FAM120A: variants seen among roughly 807,000 people sequenced by gnomAD.
FAM120A encodes the protein constitutive coactivator of PPAR-gamma-like protein 1.
FAM120A carries 15 observed loss-of-function variants against 109.7 expected under a neutral mutation model. That is an observed-to-expected ratio of 0.14 (90% CI 0.09 to 0.21). The LOEUF (loss-of-function observed/expected upper bound fraction) is 0.21. Ranked by LOEUF, FAM120A falls within the 10% of genes least tolerant of loss-of-function variation. The pLI, the probability that FAM120A is intolerant of heterozygous loss-of-function variation, is 1.00. For synonymous variants in FAM120A, 493 were observed against 572.8 expected (o/e 0.86, Z 1.99); for missense variants, 899 against 1,439.3 (o/e 0.62, Z 6.07).
chr9:93,565,255 G>A lies in FAM120A; in HGVS notation c.*715G>A, dbSNP rs889486823. 9 of 152,734 alleles carry A rather than the reference G, an allele frequency of 5.9e-5. No individual in the cohort carries two copies. The highest frequency in any genetic ancestry group is 1.9e-4 in the African/African-American group (8 of 41,568). The allele number at this position is 152,734 out of a possible 1,614,324, so 9.5% of individuals were successfully genotyped here. ...CAACACAATGTGTTCTGAAACTTTC[G>A]TGACTAATACCATGCATCTGTGATC... On this transcript the variant is annotated 3_prime_UTR_variant, in exon 18 of 18. Transcript: ENST00000277165.
chr9:93,555,046 G>A (rs1236832951), intron 12 of FAM120A, among the ~76,000 whole-genome samples: 1 of 152,194 alleles, frequency 6.6e-6, no homozygotes, highest in Non-Finnish European at 1.5e-5. Flanking sequence ...GCTCAGAGGT[G>A]GGGGTGGCTG....
chr9:93,543,122 C>T (rs534522074), intron 10 of FAM120A, 100 bp from the exon 11 acceptor site: 86 of 1,438,752 alleles, frequency 6.0e-5, no homozygotes, highest in Middle Eastern at 1.8e-4. Flanking sequence ...ACCTGAGAGG[C>T]GAATCTTTAG....
intron 7 of FAM120A, among the ~76,000 whole-genome samples, chr9:93,520,920 G>A (rs1367023022): frequency 2.0e-5 from 3 of 152,178 alleles, no homozygotes; most frequent in African/African-American, 4.8e-5. Flanking sequence ...TCTTCTTTTC[G>A]TTGTATTTCT....
At chr9:93,494,354 C>T (rs1252096836) in intron 3 of FAM120A, among the ~76,000 whole-genome samples, 1 of 152,182 alleles carries the variant, frequency 6.6e-6, no homozygotes, top group Non-Finnish European at 1.5e-5. Context: ...ACTTGTAGCC[C>T]GGATGCTATG....
At chr9:93,507,665 A>T (rs1056717729) in intron 5 of FAM120A, among the ~76,000 whole-genome samples, 1 of 152,110 alleles carries the variant, frequency 6.6e-6, no homozygotes, top group Non-Finnish European at 1.5e-5. Context: ...CCCTGTGCAC[A>T]GTTGTTAGCA....
Position 93,565,761 on chromosome 9 carries a change from C to A in FAM120A, c.*1221C>A, listed in dbSNP as rs534517756. The A allele has an allele frequency of 6.6e-6, 1 of 151,724 alleles. No individual in the cohort carries two copies. The highest frequency in any genetic ancestry group is 2.1e-4 in the South Asian group (1 of 4,788). The allele number at this position is 151,724 out of a possible 1,614,324, so 9.4% of individuals were successfully genotyped here. On this transcript the variant is annotated 3_prime_UTR_variant, in exon 18 of 18. Transcript: ENST00000277165. ...AATTGCTTGTTCTTGAGAACTTTCCCATCAAGAATTTAGTAGAAGCAGGTA... is the reference window on the plus strand; with the variant it reads ...AATTGCTTGTTCTTGAGAACTTTCCAATCAAGAATTTAGTAGAAGCAGGTA...
At chr9:93,538,578 C>G (rs1861598901) in intron 10 of FAM120A, among the ~76,000 whole-genome samples, 1 of 152,216 alleles carries the variant, frequency 6.6e-6, no homozygotes, top group Non-Finnish European at 1.5e-5. Flanking sequence ...GCCCGCATCT[C>G]TTCCTCACCT....
intron 5 of FAM120A, among the ~76,000 whole-genome samples, chr9:93,505,643 AG>A: frequency 6.6e-6 from 1 of 152,306 alleles, no homozygotes; most frequent in Middle Eastern, 3.4e-3. Flanking sequence ...TAGTGGGCAA[AG>A]AAGGGTGGAA....
intron 10 of FAM120A, among the ~76,000 whole-genome samples, chr9:93,542,538 A>G (rs1861742319): frequency 6.6e-6 from 1 of 152,222 alleles, no homozygotes; most frequent in Admixed American, 6.5e-5. Context: ...TCCATGTTAC[A>G]TCAACTTAGA....
At chr9:93,563,513 G>A (rs760264194) in intron 17 of FAM120A, among the ~76,000 whole-genome samples, 2 of 152,212 alleles carry the variant, frequency 1.3e-5, no homozygotes, top group African/African-American at 2.4e-5. Context: ...AACACCCTAC[G>A]GTGTGTGGGA....
At chr9:93,529,916 G>A (rs1861263310) in intron 9 of FAM120A, 1 of 522,828 alleles carries the variant, frequency 1.9e-6, no homozygotes, top group African/African-American at 1.9e-5. Flanking sequence ...TATTTGTGCT[G>A]TAATGTCAGG....
intron 5 of FAM120A, among the ~76,000 whole-genome samples, chr9:93,502,565 TACACACACACAC>T (rs6151079): frequency 4.8e-5 from 7 of 146,800 alleles, no homozygotes; most frequent in African/African-American, 1.0e-4. Context: ...GGAGGACACA[TACACACACACAC>T]ACACACACAC....
chr9:93,466,785 GAGGTTCATT>G (rs1858041729), intron 1 of FAM120A, among the ~76,000 whole-genome samples: 1 of 152,170 alleles, frequency 6.6e-6, no homozygotes, highest in African/African-American at 2.4e-5. Flanking sequence ...GCAGCACCAT[GAGGTTCATT>G]CTAGCCTTCT....
At chr9:93,551,779 G>A (rs927169319) in intron 12 of FAM120A, among the ~76,000 whole-genome samples, 1 of 152,050 alleles carries the variant, frequency 6.6e-6, no homozygotes, top group African/African-American at 2.4e-5. Context: ...GACTTCTTGT[G>A]ACTTAGAAAT....
chr9:93,542,341 A>G (rs1861733116), intron 10 of FAM120A, among the ~76,000 whole-genome samples: 1 of 152,192 alleles, frequency 6.6e-6, no homozygotes, highest in Admixed American at 6.5e-5. Context: ...TTGGGTTGTT[A>G]CCTCAGTGCA....
intron 3 of FAM120A, among the ~76,000 whole-genome samples, chr9:93,481,837 T>TC (rs1004677793): frequency 6.6e-6 from 1 of 152,114 alleles, no homozygotes; most frequent in Non-Finnish European, 1.5e-5. Context: ...GTACTTGTCC[T>TC]CCCCCAGCCC....
At chr9:93,484,868 C>T (rs1858970163) in intron 3 of FAM120A, among the ~76,000 whole-genome samples, 1 of 152,210 alleles carries the variant, frequency 6.6e-6, no homozygotes, top group Non-Finnish European at 1.5e-5. Context: ...AGCCACTGCG[C>T]CCGGCCTGCT....
chr9:93,463,828 G>A (rs1409066518), intron 1 of FAM120A, among the ~76,000 whole-genome samples: 1 of 152,198 alleles, frequency 6.6e-6, no homozygotes, highest in African/African-American at 2.4e-5. Context: ...ATGTATGTAT[G>A]AGAACCCATA....
In FAM120A at chr9:93,556,357, A is replaced by G. The variant is rs374722783; in HGVS notation, c.2275-25A>G. ...TAATACTGTAGTACTCTTATTCCAT[A>G]GAAATTACTCTTTTCAATTTAAAGA... is the stretch of plus-strand genomic sequence containing the variant. On this transcript the variant is annotated intron_variant, in intron 12 of 17. Coordinates refer to ENST00000277165, the MANE Select transcript of FAM120A (RefSeq NM_014612.5). 1.6e-5 allele frequency: 25 copies of G among 1,587,448 alleles called. 1 individual carries two copies. The highest frequency in any genetic ancestry group is 1.8e-5 in the Non-Finnish European group (21 of 1,156,272).
Sources: gnomAD v4.1 joint callset for allele counts (sites outside exome capture counted in the v4.1 genomes callset) on GRCh38, gnomAD v4.1.1 for gene constraint, MANE v1.5 for transcripts, NCBI Gene and HGNC (gene_info 2026-07-23, HGNC 2026-07-21) for gene names.